The following DUOX2 variants were observed in gnomAD, a reference collection of about 807,000 sequenced individuals.
DUOX2 encodes NADH/NADPH thyroid oxidase p138-tox.
In DUOX2, 185 loss-of-function variants were observed where a neutral mutation model predicts 183.3. That is an observed-to-expected ratio of 1.01 (90% CI 0.90 to 1.14). The LOEUF (loss-of-function observed/expected upper bound fraction) is 1.14, where lower values mean the gene tolerates loss of function less well. Among genes scored for constraint, DUOX2 ranks in the 50% most tolerant of loss-of-function variants. The pLI is 0.00. For missense variants in DUOX2, 1,999 were observed against 2,022.9 expected, an observed-to-expected ratio of 0.99 and a Z score of 0.23; for synonymous variants, 788 against 812.4, an observed-to-expected ratio of 0.97 and a Z score of 0.51.
Position 45,097,230 on chromosome 15 carries a change from C to T in DUOX2, c.3847+8G>A. The T allele has an allele frequency of 5.0e-6, 8 of 1,614,128 alleles. No individual in the cohort carries two copies. The highest frequency in any genetic ancestry group is 6.8e-6 in the Non-Finnish European group (8 of 1,180,036). On this transcript the variant is annotated splice_region_variant and intron_variant, in intron 29 of 33. Coordinates refer to ENST00000389039, the MANE Select transcript of DUOX2 (RefSeq NM_001363711.2). ...CGCTCCCGACCCAGGTCAGGCTGGG[C>T]CTGATACCTGAGGGCAGCAGCTCCG...
At chr15:45,100,298 A>G (rs1894046900) in intron 23 of DUOX2, 70 bp from the exon 24 acceptor site, 1 of 1,479,816 alleles carries the variant, frequency 6.8e-7, no homozygotes, top group Non-Finnish European at 9.2e-7. Context: ...CCACTCCATG[A>G]AAGGTGACCT....
rs1204118752 is a variant in DUOX2, at chr15:45,112,705, C to T, written c.174G>A (p.Gln58=). The T allele has an allele frequency of 3.1e-6, 5 of 1,611,802 alleles. No individual in the cohort carries two copies. The highest frequency in any genetic ancestry group is 4.2e-6 in the Non-Finnish European group (5 of 1,179,886). ...HERGAVGCRL[Q]RRVPANYADG... ...CGGCGTAATTGGCTGGTACGCGGCG[C>T]TGCAACCGGCAGCCTGCGGAGGCAG... Residue 58 remains glutamine (Q), a synonymous_variant, in exon 4 of 34, where the codon CAG becomes CAA. Coordinates refer to ENST00000389039, the MANE Select transcript of DUOX2 (RefSeq NM_001363711.2).
rs372584501 is a variant in DUOX2 at position 45,108,196 on chromosome 15, G to T, written c.1425C>A (p.Tyr475Ter). ...GCTCTAGCTGGGATAGGTCCTGGTT[G>T]TACAGGGCAGCTGTGGCCTCCAGCA... ...PQVLEATAAL[Y>*]NQDLSQLELL... is the part of the protein sequence containing the mutation. The change falls in exon 13 of 34, where the codon TAC (tyrosine) becomes TAA (stop). Residue 475 changes from tyrosine (Y) to a stop codon, truncating the protein, a stop_gained. Transcript: ENST00000389039. LOFTEE classifies it high-confidence loss of function. 2 of 1,614,190 alleles carry T rather than the reference G, an allele frequency of 1.2e-6. No individual in the cohort carries two copies. Among genetic ancestry groups the T allele is most frequent in the Non-Finnish European group, 1.7e-6 (2 of 1,180,026 alleles).
At chr15:45,101,329 G>C in intron 21 of DUOX2, 55 bp from the exon 22 acceptor site, 1 of 1,478,594 alleles carries the variant, frequency 6.8e-7, no homozygotes, top group Non-Finnish European at 9.4e-7. Flanking sequence ...AGTGGGGTAG[G>C]ATGGGAGACT....
intron 14 of DUOX2, 74 bp from the exon 15 acceptor site, chr15:45,107,043 C>T: frequency 1.3e-6 from 2 of 1,544,316 alleles, no homozygotes; most frequent in Non-Finnish European, 1.8e-6. Context: ...CCCCTCTATC[C>T]TATAAAGGAC....
chr15:45,102,537 G>A (rs1894109552), intron 20 of DUOX2, among the ~76,000 whole-genome samples: 1 of 152,212 alleles, frequency 6.6e-6, no homozygotes, highest in African/African-American at 2.4e-5. Context: ...GTTGTGCCTC[G>A]GGACAGAAAA....
At position 45,099,912 on chromosome 15, in the gene DUOX2, A is replaced by G; in HGVS notation, c.3185-20T>C. The G allele has an allele frequency of 6.2e-7, 1 of 1,613,738 alleles. No homozygotes were observed. The highest frequency in any genetic ancestry group is 8.5e-7 in the Non-Finnish European group (1 of 1,179,620). ...CATAGTCTGGGGCCGGAGTGAGGTTACATCAGCTTGGCACAGGTGGCCAAG... is the reference window on the plus strand; with the variant it reads ...CATAGTCTGGGGCCGGAGTGAGGTTGCATCAGCTTGGCACAGGTGGCCAAG... On this transcript the variant is annotated intron_variant, in intron 24 of 33. Transcript: ENST00000389039.
At chr15:45,105,539 C>T in intron 18 of DUOX2, 104 bp downstream of exon 18, 1 of 1,398,478 alleles carries the variant, frequency 7.2e-7, no homozygotes, top group Non-Finnish European at 1.0e-6. Context: ...TCTCTCCAGG[C>T]CATAGAGCGG....
intron 25 of DUOX2, 56 bp downstream of exon 25, chr15:45,099,606 C>T: frequency 6.2e-7 from 1 of 1,604,176 alleles, no homozygotes; most frequent in Admixed American, 1.7e-5. Flanking sequence ...CCACTGTTTC[C>T]CCCAACTAGA....
chr15:45,112,600 G>A lies in DUOX2; in HGVS notation c.279C>T (p.Ala93=), dbSNP rs763317442. The A allele has an allele frequency of 1.9e-6, 3 of 1,613,004 alleles. No individual in the cohort carries two copies. Among genetic ancestry groups the A allele is most frequent in the African/African-American group, 1.3e-5 (1 of 75,052 alleles). The change falls in exon 4 of 34, where the codon GCC becomes GCT. Residue 93 remains alanine (A), a synonymous_variant. Coordinates refer to ENST00000389039, the MANE Select transcript of DUOX2 (RefSeq NM_001363711.2). ...RLSNAATRGI[A]GLPSLHNRTV... ...TGCGGTTGTGGAGCGACGGCAGGCC[G>A]GCTATGCCCCGCGTGGCTGCGTTGC...
chr15:45,094,975 G>C lies in DUOX2; in HGVS notation c.4356C>G (p.Thr1452=), dbSNP rs1350851900. 9 of 1,613,956 alleles carry C rather than the reference G, an allele frequency of 5.6e-6. No individual in the cohort carries two copies. The highest frequency in any genetic ancestry group is 5.9e-6 in the Non-Finnish European group (7 of 1,179,998). ...QDLVSVHIYV[T]QLAEKFDLRT... ...TGAGGTCGAACTTCTCAGCCAGCTG[G>C]GTGACATAAATGTGCACAGACACCA... Residue 1452 remains threonine, a synonymous_variant, in exon 32 of 34, where the codon ACC becomes ACG. Coordinates refer to ENST00000389039, the MANE Select transcript of DUOX2 (RefSeq NM_001363711.2).
chr15:45,097,036 C>T (rs1028689100), intron 29 of DUOX2, among the ~76,000 whole-genome samples: 1 of 152,220 alleles, frequency 6.6e-6, no homozygotes, highest in Non-Finnish European at 1.5e-5. Context: ...CTGCAAGTCT[C>T]CTGGGAGCTA....
chr15:45,100,719 T>C (rs2141145301), intron 23 of DUOX2, 36 bp downstream of exon 23: 4 of 1,579,694 alleles, frequency 2.5e-6, no homozygotes, highest in South Asian at 2.2e-5. Context: ...CTTCTCTCCA[T>C]GTCTCTTTGG....
chr15:45,095,565 G>A lies in DUOX2; in HGVS notation c.4111C>T (p.His1371Tyr). Residue 1371 changes from histidine to tyrosine, a missense_variant, in exon 31 of 34, where the codon CAT (histidine) becomes TAT (tyrosine). Transcript: ENST00000389039. ...LYLDGPFGEG[H>Y]QEWHKFEVSV... Reference sequence around the variant, plus strand: ...ACCTCAAATTTATGCCACTCCTGATGGCCCTCTCCAAACGGTCCATCAAGG... The same window carrying A: ...ACCTCAAATTTATGCCACTCCTGATAGCCCTCTCCAAACGGTCCATCAAGG... 2 of 1,614,054 alleles carry A rather than the reference G, an allele frequency of 1.2e-6. No homozygotes were observed. Among genetic ancestry groups the A allele is most frequent in the East Asian group, 2.2e-5 (1 of 44,884 alleles).
Position 45,105,685 on chromosome 15 carries a change from C to T in DUOX2, c.2292G>A (p.Arg764=). Residue 764 remains arginine (R), a synonymous_variant, in exon 18 of 34, where the codon CGG becomes CGA. Transcript: ENST00000389039. Reference sequence around the variant, plus strand: ...TGAAGAAGATCTCCAGGATGCGTTCCCGCTGCTGCTTTGTCACAGCCTTCC... The same window carrying T: ...TGAAGAAGATCTCCAGGATGCGTTCTCGCTGCTGCTTTGTCACAGCCTTCC... ...LFRKAVTKQQ[R]ERILEIFFRH... 2 of 1,614,230 alleles carry T rather than the reference C, an allele frequency of 1.2e-6. No individual in the cohort carries two copies. Among genetic ancestry groups the T allele is most frequent in the Non-Finnish European group, 1.7e-6 (2 of 1,180,046 alleles).
At position 45,111,652 on chromosome 15, in the gene DUOX2, G is replaced by A. The variant is rs1315374438; in HGVS notation, c.514-67C>T. 1.4e-5 allele frequency: 20 copies of A among 1,450,110 alleles called. No individual in the cohort carries two copies. In the South Asian group the frequency reaches 2.0e-4, roughly 15 times the overall value. The allele number at this position is 1,450,110 out of a possible 1,614,324, so 89.8% of individuals were successfully genotyped here. A position where few individuals can be genotyped will look rare whatever the true frequency, so the allele number is the denominator to read the frequency against. ...GGCGGGCCAGGGAAGGCCGGGGCCC[G>A]GCGGGTGTCCGCGGCTGGGGAGTGG... On this transcript the variant is annotated intron_variant, in intron 5 of 33. Transcript: ENST00000389039.
chr15:45,095,254 C>T (rs1893870278), intron 31 of DUOX2, among the ~76,000 whole-genome samples, 163 bp from the exon 32 acceptor site: 1 of 152,216 alleles, frequency 6.6e-6, no homozygotes, highest in Non-Finnish European at 1.5e-5. Context: ...CAGGTCCCAG[C>T]AGAGGCCCTT....
chr15:45,099,916 C>T (rs749908901), intron 24 of DUOX2, 24 bp from the exon 25 acceptor site: 1 of 1,613,390 alleles, frequency 6.2e-7, no homozygotes, highest in African/African-American at 1.3e-5. Flanking sequence ...GAGGTTACAT[C>T]AGCTTGGCAC....
intron 11 of DUOX2, 22 bp downstream of exon 11, chr15:45,109,501 AC>A (rs1343185508): frequency 2.5e-6 from 4 of 1,610,768 alleles, no homozygotes; most frequent in East Asian, 4.5e-5. Context: ...CTTACCATCC[AC>A]CCCTTCTGGC....
Sources: gnomAD v4.1 joint callset for allele counts (sites outside exome capture counted in the v4.1 genomes callset) on GRCh38, gnomAD v4.1.1 for gene constraint, MANE v1.5 for transcripts, NCBI Gene and HGNC (gene_info 2026-07-23, HGNC 2026-07-21) for gene names.